The following TRIM49 variants were observed in gnomAD, a reference collection of about 807,000 sequenced individuals.
TRIM49 encodes the protein tripartite motif containing 49, also known as tripartite motif-containing protein 49.
TRIM49 carries 5 observed loss-of-function variants against 27.4 expected under a neutral mutation model. That is an observed-to-expected ratio of 0.18 (90% CI 0.10 to 0.38). TRIM49 has a LOEUF of 0.38. Among genes scored for constraint, TRIM49 ranks in the 10% least tolerant of loss-of-function variants. The probability of loss-of-function intolerance (pLI) is 1.00; values close to 1 mark genes in which losing one functional copy is unlikely to be tolerated. For synonymous variants in TRIM49, 69 were observed against 166.0 expected (o/e 0.42, Z 4.49); for missense variants, 188 against 487.5 (o/e 0.39, Z 5.79).
At chr11:89,790,564 G>A in the TRIM49 span, among the ~76,000 whole-genome samples, 15 of 152,116 alleles carry the variant, frequency 9.9e-5, no homozygotes, top group East Asian at 1.2e-3. Flanking sequence ...CTAGAGGAAC[G>A]ATCAGGCAGC....
the TRIM49 span, chr11:89,768,810 A>T: frequency 4.0e-6 from 2 of 505,948 alleles, 1 homozygote; most frequent in Non-Finnish European, 7.8e-6. Context: ...GGCCATTAAC[A>T]TACCTTGCCA....
Position 89,804,316 on chromosome 11 carries a change from A to C in TRIM49, c.154T>G (p.Cys52Gly). 6.2e-7 allele frequency: 1 copy of C among 1,611,932 alleles called. No individual in the cohort carries two copies. The highest frequency in any genetic ancestry group is 8.5e-7 in the Non-Finnish European group (1 of 1,179,174). ...TCGGTTGACTTTGTGCATTCAGAGC[A>C]CTGGACAAGAAATGGGATGTCTTGC... Reference protein sequence around the residue: ...NWQDIPFLVQCSECTKSTEQI... With the variant: ...NWQDIPFLVQGSECTKSTEQI... Residue 52 changes from cysteine (C) to glycine (G), a missense_variant, in exon 3 of 8, where the codon TGC becomes GGC. By Grantham distance (159) the Cys-to-Gly change is radical. Around this residue, in one of 6 missense-constraint regions of TRIM49, gnomAD observed 37 missense variants for 52.4 expected, o/e 0.71. Transcript: ENST00000329758.
the TRIM49 span, among the ~76,000 whole-genome samples, chr11:89,772,756 C>T: frequency 7.6e-5 from 10 of 132,424 alleles, no homozygotes; most frequent in South Asian, 4.7e-4. Flanking sequence ...CTGAAGCATA[C>T]GCTCTCCATG....
At chr11:89,806,623 T>G (rs1170517753) in intron 2 of TRIM49, among the ~76,000 whole-genome samples, 2 of 149,970 alleles carry the variant, frequency 1.3e-5, no homozygotes, top group Non-Finnish European at 3.0e-5. Flanking sequence ...TTTTGATTTC[T>G]AAAGTAGGAT....
chr11:89,806,199 TAAA>T (rs1949788608), intron 2 of TRIM49, among the ~76,000 whole-genome samples: 1 of 150,700 alleles, frequency 6.6e-6, no homozygotes, highest in African/African-American at 2.5e-5. Flanking sequence ...TTTGTGTATC[TAAA>T]CATAATTGAA....
At chr11:89,793,072 G>A (rs1344689632), downstream of TRIM49, among the ~76,000 whole-genome samples, 7 of 151,916 alleles carry the variant, frequency 4.6e-5, no homozygotes, top group East Asian at 3.9e-4. Context: ...TATCACCACC[G>A]ATCCCACAGA....
chr11:89,785,837 T>C, the TRIM49 span: 7,248 of 127,442 alleles, frequency 0.057, 38 homozygotes, highest in East Asian at 0.15. Context: ...CCGCCGGGCT[T>C]GGGGCGGGAG....
chr11:89,797,350 C>T (rs1949698897), downstream of TRIM49, among the ~76,000 whole-genome samples: 1 of 151,624 alleles, frequency 6.6e-6, no homozygotes, highest in Non-Finnish European at 1.5e-5. Context: ...ACACAGAAGT[C>T]ATCATTATCA....
chr11:89,808,185 C>G lies in TRIM49; in HGVS notation c.-191+252G>C, dbSNP rs964102568. On this transcript the variant is annotated intron_variant, in intron 1 of 7. Coordinates refer to ENST00000329758, the MANE Select transcript of TRIM49 (RefSeq NM_020358.2). ...ATGGACTATATTTTTCTTTCTATGC[C>G]AAGTCTTTTTGTTGTTATATGAAAA... Among the ~76,000 whole-genome samples, 28 of 144,478 alleles carry G rather than the reference C, an allele frequency of 1.9e-4. 2 individuals are homozygous for G. The highest frequency in any genetic ancestry group is 7.3e-4 in the African/African-American group (26 of 35,460). 94.8% of individuals were successfully genotyped at this position (144,478 alleles called of 152,430 possible).
the TRIM49 span, among the ~76,000 whole-genome samples, chr11:89,779,725 C>T: frequency 2.6e-5 from 3 of 115,304 alleles, 1 homozygote; most frequent in Non-Finnish European, 5.8e-5. Flanking sequence ...AATGTATCGG[C>T]AAGGTGAGTT....
chr11:89,797,576 C>G (rs1347934287), downstream of TRIM49: 1 of 151,864 alleles, frequency 6.6e-6, no homozygotes, highest in Non-Finnish European at 1.5e-5. Flanking sequence ...TCAATGTAGA[C>G]GAGCACACTA....
At position 89,798,419 on chromosome 11, in the gene TRIM49, A is replaced by T. The variant is rs549519177; in HGVS notation, c.1070T>A (p.Val357Asp). The T allele has an allele frequency of 3.1e-6, 5 of 1,603,076 alleles. No homozygotes were observed. The highest frequency in any genetic ancestry group is 3.3e-4 in the Middle Eastern group (2 of 6,032). ...CTTCTCTTTCCGATACATATTACAG[A>T]CACCAAAAGCCCAATTCCAGGAGTC... ...VGDSWNWAFGVCNMYRKEKNQ... is the reference protein window; with the variant it reads ...VGDSWNWAFGDCNMYRKEKNQ... The change falls in exon 8 of 8, where the codon GTC becomes GAC. Residue 357 changes from valine to aspartate, a missense_variant. Around this residue, in one of 6 missense-constraint regions of TRIM49, gnomAD observed 94 missense variants for 149.6 expected, o/e 0.63. Transcript: ENST00000329758.
At chr11:89,797,138 C>A (rs1490603988), downstream of TRIM49, among the ~76,000 whole-genome samples, 1 of 151,604 alleles carries the variant, frequency 6.6e-6, no homozygotes, top group Non-Finnish European at 1.5e-5. Flanking sequence ...TGAAAGTGAG[C>A]ACTTTTTTAT....
the TRIM49 span, chr11:89,768,786 C>G: frequency 2.0e-6 from 1 of 504,888 alleles, no homozygotes; most frequent in African/African-American, 2.7e-5. Flanking sequence ...CCTTGTGCTC[C>G]AGCTTGCATT....
downstream of TRIM49, among the ~76,000 whole-genome samples, chr11:89,792,789 G>A (rs1949663928): frequency 2.0e-5 from 3 of 152,192 alleles, no homozygotes; most frequent in South Asian, 6.2e-4. Flanking sequence ...ACAAGAGAAA[G>A]CAGGAAAGAT....
chr11:89,783,425 T>A, the TRIM49 span, among the ~76,000 whole-genome samples: 5,258 of 100,856 alleles, frequency 0.052, 161 homozygotes, highest in African/African-American at 0.11. Flanking sequence ...AGATAAGACA[T>A]AAATTGATTT....
downstream of TRIM49, among the ~76,000 whole-genome samples, chr11:89,794,922 A>G (rs1363414253): frequency 6.6e-6 from 1 of 150,934 alleles, no homozygotes; most frequent in Non-Finnish European, 1.5e-5. Flanking sequence ...CCTGCACAGC[A>G]AAAGCAACTA....
chr11:89,790,196 G>A, the TRIM49 span, among the ~76,000 whole-genome samples: 15 of 130,416 alleles, frequency 1.2e-4, no homozygotes, highest in South Asian at 3.7e-3. Flanking sequence ...CAAGGCAGCA[G>A]TGAGGCTGGG....
the TRIM49 span, chr11:89,777,231 C>A: frequency 5.2e-6 from 8 of 1,548,690 alleles, 2 homozygotes; most frequent in East Asian, 2.0e-4. Flanking sequence ...GACCTCAGAA[C>A]ATCAACAGCT....
Sources: gnomAD v4.1 joint callset for allele counts (sites outside exome capture counted in the v4.1 genomes callset) on GRCh38, gnomAD v4.1.1 for gene constraint, gnomAD v4.1.1 regional missense constraint, MANE v1.5 for transcripts, NCBI Gene and HGNC (gene_info 2026-07-23, HGNC 2026-07-21) for gene names.